The following RNLS variants were observed in gnomAD, a reference collection of about 807,000 sequenced individuals.
RNLS encodes the protein renalase, FAD dependent amine oxidase, also known as renalase.
In RNLS, 39 loss-of-function variants were observed where a neutral mutation model predicts 39.8. The ratio of observed to expected loss-of-function variants is 0.98; its 90% CI spans 0.76 to 1.28. The LOEUF (loss-of-function observed/expected upper bound fraction) is 1.28. RNLS is among the 50% of genes most tolerant of loss of function. The probability of loss-of-function intolerance (pLI) is 0.00; values close to 1 mark genes in which losing one functional copy is unlikely to be tolerated. For synonymous variants in RNLS, 147 were observed against 150.7 expected (o/e 0.98, Z 0.18); for missense variants, 410 against 413.3 (o/e 0.99, Z 0.07).
the RNLS span, among the ~76,000 whole-genome samples, chr10:88,219,970 G>A: frequency 6.6e-6 from 1 of 152,100 alleles, no homozygotes; most frequent in African/African-American, 2.4e-5. Flanking sequence ...GACGGTCCCT[G>A]AGCTGAGCTG....
In RNLS at chr10:88,284,782, A is replaced by AT; in HGVS notation, c.*571_*572insA. The AT allele has an allele frequency of 2.0e-6, 2 of 985,382 alleles. No individual in the cohort carries two copies. Among genetic ancestry groups the AT allele is most frequent in the Non-Finnish European group, 2.4e-6 (2 of 829,906 alleles). The allele number at this position is 985,382 out of a possible 1,614,324, so 61.0% of individuals were successfully genotyped here. ...AAATCTGAAGGAAGGTCTCTTTATC[A>AT]GTCAAGTTGCCCTCCACACTAAGAT... On this transcript the variant is annotated 3_prime_UTR_variant, in exon 7 of 7. Transcript: ENST00000331772.
chr10:88,477,789 G>A lies in RNLS; in HGVS notation c.526+95114C>T, dbSNP rs565575563. Among the ~76,000 whole-genome samples, 34 of 152,246 alleles carry A rather than the reference G, an allele frequency of 2.2e-4. 1 individual carries two copies. In the East Asian group the frequency reaches 4.8e-3, roughly 22 times the overall value. ...CTAAGAAGCTTCAGAATGATAGAGGGTAAGTATTTTGCCAAGTTCACACAG... is the reference window on the plus strand; with the variant it reads ...CTAAGAAGCTTCAGAATGATAGAGGATAAGTATTTTGCCAAGTTCACACAG... On this transcript the variant is annotated intron_variant, in intron 4 of 6. Coordinates refer to ENST00000331772, the MANE Select transcript of RNLS (RefSeq NM_001031709.3).
chr10:88,394,330 C>A (rs1442363451), intron 4 of RNLS, among the ~76,000 whole-genome samples: 1 of 152,116 alleles, frequency 6.6e-6, no homozygotes, highest in African/African-American at 2.4e-5. Context: ...CTACAATGAA[C>A]TCAAACGAAT....
Position 88,323,214 on chromosome 10 carries a change from C to G in RNLS, c.701-8573G>C, listed in dbSNP as rs528659312. Among the ~76,000 whole-genome samples, 5 of 152,234 alleles carry G rather than the reference C, an allele frequency of 3.3e-5. No individual in the cohort carries two copies. The East Asian group carries it at 7.7e-4, about 23-fold the overall frequency. ...GTTAAAATGATTATACTGCCCAAAG[C>G]AATCTACAGATTCAGTGAAGTTCCT... On this transcript the variant is annotated intron_variant, in intron 5 of 6. Coordinates refer to ENST00000331772, the MANE Select transcript of RNLS (RefSeq NM_001031709.3).
chr10:88,545,484 C>T (rs891480514), intron 4 of RNLS: 18 of 455,666 alleles, frequency 4.0e-5, no homozygotes, highest in African/African-American at 3.6e-4. Context: ...AGCATATGTA[C>T]AACTGCCCTT....
At chr10:88,374,858 C>T (rs1291271499) in intron 4 of RNLS, among the ~76,000 whole-genome samples, 3 of 152,076 alleles carry the variant, frequency 2.0e-5, no homozygotes, top group Non-Finnish European at 2.9e-5. Flanking sequence ...TTGGCACTTA[C>T]CCCCAGCTCA....
chr10:88,199,479 AT>A, the RNLS span, among the ~76,000 whole-genome samples: 2 of 152,190 alleles, frequency 1.3e-5, no homozygotes, highest in African/African-American at 4.8e-5. Flanking sequence ...ATGTCTCCCG[AT>A]ATTGCCAAAT....
At chr10:88,555,843 C>T (rs1239959169) in intron 4 of RNLS, among the ~76,000 whole-genome samples, 1 of 152,262 alleles carries the variant, frequency 6.6e-6, no homozygotes, top group Middle Eastern at 3.4e-3. Context: ...CCCTCTCAGT[C>T]TTTCTTGGGG....
rs371061891 is a variant in RNLS at position 88,570,976 on chromosome 10, T to TG, written c.526+1926_526+1927insC. 4.0e-3 allele frequency among the ~76,000 whole-genome samples: 450 copies of TG among 112,780 alleles called. 4 individuals are homozygous for TG. The highest frequency in any genetic ancestry group is 0.017 in the African/African-American group (433 of 25,504). 74.0% of individuals were successfully genotyped at this position (112,780 alleles called of 152,430 possible). Reference sequence around the variant, plus strand: ...ATGTTGTATATTCTTTTTTTTTTTTTTTTTTTTGGTTTGTTTTTTTTTTTT... The same window carrying TG: ...ATGTTGTATATTCTTTTTTTTTTTTTGTTTTTTTGGTTTGTTTTTTTTTTTT... On this transcript the variant is annotated intron_variant, in intron 4 of 6. Transcript: ENST00000331772.
At chr10:88,467,067 AT>A (rs1314037935) in intron 4 of RNLS, among the ~76,000 whole-genome samples, 2 of 152,016 alleles carry the variant, frequency 1.3e-5, no homozygotes, top group African/African-American at 4.8e-5. Flanking sequence ...GTAGGGTACA[AT>A]TTTTTTCATC....
intron 6 of RNLS, among the ~76,000 whole-genome samples, chr10:88,305,752 T>A (rs552227748): frequency 6.6e-5 from 10 of 152,222 alleles, no homozygotes; most frequent in Non-Finnish European, 1.3e-4. Context: ...ACCCCACTGA[T>A]AACATTAGGC....
intron 4 of RNLS, among the ~76,000 whole-genome samples, chr10:88,482,865 A>C (rs918250587): frequency 6.6e-6 from 1 of 151,918 alleles, no homozygotes; most frequent in African/African-American, 2.4e-5. Context: ...AATCTGTGAA[A>C]TCTGTCTCCC....
chr10:88,545,115 C>G (rs533706626), intron 4 of RNLS, among the ~76,000 whole-genome samples: 1 of 152,112 alleles, frequency 6.6e-6, no homozygotes, highest in East Asian at 1.9e-4. Flanking sequence ...TCTAGAAGCC[C>G]CCTTCTTAGC....
chr10:88,456,264 G>A (rs971735171), intron 4 of RNLS, among the ~76,000 whole-genome samples: 2 of 151,702 alleles, frequency 1.3e-5, no homozygotes, highest in African/African-American at 4.8e-5. Context: ...GGTTTCCTGA[G>A]TATACTTTCA....
chr10:88,538,770 T>A (rs1006807931), intron 4 of RNLS, among the ~76,000 whole-genome samples: 4 of 152,140 alleles, frequency 2.6e-5, no homozygotes, highest in Admixed American at 6.6e-5. Context: ...CTATGAAATT[T>A]ATTTAAGAAA....
At chr10:88,510,804 G>A (rs1030375023) in intron 4 of RNLS, among the ~76,000 whole-genome samples, 28 of 150,544 alleles carry the variant, frequency 1.9e-4, no homozygotes, top group African/African-American at 5.9e-4. Context: ...CCAAGATCGC[G>A]CCACTGCACA....
intron 4 of RNLS, among the ~76,000 whole-genome samples, chr10:88,494,738 A>G (rs1845074121): frequency 6.6e-6 from 1 of 152,082 alleles, no homozygotes; most frequent in Admixed American, 6.6e-5. Context: ...ATGTTCACCA[A>G]TTGTGTGATT....
At chr10:88,580,382 C>G (rs995070916) in intron 3 of RNLS, among the ~76,000 whole-genome samples, 1 of 152,146 alleles carries the variant, frequency 6.6e-6, no homozygotes, top group Non-Finnish European at 1.5e-5. Flanking sequence ...ACTGACCTCT[C>G]TGATGCCCAG....
chr10:88,502,086 T>C (rs149602305), intron 4 of RNLS, among the ~76,000 whole-genome samples: 2 of 152,242 alleles, frequency 1.3e-5, no homozygotes, highest in African/African-American at 2.4e-5. Flanking sequence ...TATAAATCCA[T>C]ACAAGATATA....
Sources: allele counts gnomAD v4.1 joint callset (sites outside exome capture counted in the v4.1 genomes callset), GRCh38; gene constraint gnomAD v4.1.1; transcripts MANE v1.5; gene names NCBI Gene and HGNC (gene_info 2026-07-23, HGNC 2026-07-21).